Variants in EDEM3 observed in about 807,000 individuals in gnomAD.
The protein encoded by EDEM3 is ER degradation-enhancing alpha-mannosidase-like protein 3.
A neutral mutation model predicts 110.2 loss-of-function variants in EDEM3; 60 were observed. That is an observed-to-expected ratio of 0.54 (90% CI 0.44 to 0.67). The LOEUF is 0.67. EDEM3 is among the 30% of genes least tolerant of loss of function. The pLI is 0.00. For synonymous variants in EDEM3, 352 were observed against 382.9 expected, an observed-to-expected ratio of 0.92 and a Z score of 0.94; for missense variants, 996 against 1,121.0, an observed-to-expected ratio of 0.89 and a Z score of 1.59.
At chr1:184,740,007 A>C (rs1652048734) in intron 2 of EDEM3, among the ~76,000 whole-genome samples, 1 of 152,144 alleles carries the variant, frequency 6.6e-6, no homozygotes, top group Non-Finnish European at 1.5e-5. Context: ...TAGGCTCTTT[A>C]AGTTGGGTGG....
chr1:184,733,644 A>G (rs1651655530), intron 5 of EDEM3, among the ~76,000 whole-genome samples: 1 of 152,098 alleles, frequency 6.6e-6, no homozygotes, highest in South Asian at 2.1e-4. Context: ...CCTGGCCAAC[A>G]CGGTGAAACC....
At chr1:184,744,473 C>T (rs1652318438) in intron 2 of EDEM3, among the ~76,000 whole-genome samples, 1 of 151,384 alleles carries the variant, frequency 6.6e-6, no homozygotes, top group Admixed American at 6.6e-5. Flanking sequence ...GTGGGAAATG[C>T]AAAATATTAT....
rs1649087223 is a variant in EDEM3 at position 184,692,084 on chromosome 1, T to C, written c.*1979A>G. On this transcript the variant is annotated 3_prime_UTR_variant, in exon 20 of 20. Coordinates refer to ENST00000318130, the MANE Select transcript of EDEM3 (RefSeq NM_025191.4). ...ACAAATACAAAATCAAATCCATGTATATAAGGCTTCTGTAATCGATGTCTT... is the reference window on the plus strand; with the variant it reads ...ACAAATACAAAATCAAATCCATGTACATAAGGCTTCTGTAATCGATGTCTT... The C allele has an allele frequency of 6.6e-6, 1 of 152,146 alleles. No individual in the cohort carries two copies. The highest frequency in any genetic ancestry group is 1.5e-5 in the Non-Finnish European group (1 of 67,984). 9.4% of individuals were successfully genotyped at this position (152,146 alleles called of 1,614,324 possible). A position where few individuals can be genotyped will look rare whatever the true frequency, so the allele number is the denominator to read the frequency against.
chr1:184,737,521 C>A, intron 3 of EDEM3, 90 bp downstream of exon 3: 2 of 1,204,408 alleles, frequency 1.7e-6, no homozygotes, highest in South Asian at 1.4e-5. Flanking sequence ...TTAGCCAATC[C>A]CTAGAAATAT....
intron 10 of EDEM3, 95 bp downstream of exon 10, chr1:184,719,348 C>A: frequency 6.5e-7 from 1 of 1,535,060 alleles, no homozygotes; most frequent in Non-Finnish European, 8.8e-7. Flanking sequence ...TTCTGAACTG[C>A]AACTATGTTT....
chr1:184,703,450 G>A (rs980624444), intron 18 of EDEM3, among the ~76,000 whole-genome samples: 1 of 152,128 alleles, frequency 6.6e-6, no homozygotes, highest in Non-Finnish European at 1.5e-5. Context: ...CTACTGGCAT[G>A]ATTACATTGT....
chr1:184,720,026 C>T (rs1227869452), intron 9 of EDEM3, among the ~76,000 whole-genome samples: 1 of 152,230 alleles, frequency 6.6e-6, no homozygotes, highest in Non-Finnish European at 1.5e-5. Flanking sequence ...CAGCTAATCA[C>T]TGCTGCCACT....
At chr1:184,739,485 A>G (rs1652016614) in intron 2 of EDEM3, among the ~76,000 whole-genome samples, 1 of 151,606 alleles carries the variant, frequency 6.6e-6, no homozygotes, top group African/African-American at 2.4e-5. Context: ...ATTTTACTGA[A>G]ATTTTAATTG....
intron 6 of EDEM3, among the ~76,000 whole-genome samples, chr1:184,730,186 T>C (rs1651429154): frequency 6.6e-6 from 1 of 152,238 alleles, no homozygotes; most frequent in Non-Finnish European, 1.5e-5. Context: ...AACAAGTACC[T>C]GATATCTTAA....
intron 13 of EDEM3, among the ~76,000 whole-genome samples, chr1:184,713,737 G>C (rs1264056834): frequency 6.6e-6 from 1 of 152,210 alleles, no homozygotes; most frequent in African/African-American, 2.4e-5. Context: ...TTTGGAAATA[G>C]AAAGATCTTC....
At chr1:184,717,088 TATTGAG>T (rs1230197321) in intron 12 of EDEM3, 76 bp from the exon 13 acceptor site, 5 of 1,244,292 alleles carry the variant, frequency 4.0e-6, no homozygotes, top group Non-Finnish European at 5.6e-6. Context: ...ACCAAATATT[TATTGAG>T]TACCTACTAG....
intron 19 of EDEM3, among the ~76,000 whole-genome samples, chr1:184,701,842 C>G (rs1032927810): frequency 6.6e-6 from 1 of 151,848 alleles, no homozygotes; most frequent in Non-Finnish European, 1.5e-5. Context: ...AAGAATAAAG[C>G]AATACAAGAA....
chr1:184,703,824 G>A (rs1649763004), intron 18 of EDEM3, among the ~76,000 whole-genome samples: 1 of 152,182 alleles, frequency 6.6e-6, no homozygotes, highest in African/African-American at 2.4e-5. Context: ...CCTGGAACTG[G>A]CACACAGAAA....
intron 19 of EDEM3, among the ~76,000 whole-genome samples, chr1:184,699,630 A>T (rs941516963): frequency 2.6e-5 from 4 of 151,936 alleles, no homozygotes; most frequent in African/African-American, 7.2e-5. Flanking sequence ...ATTCACACCA[A>T]TCAAATTCAG....
At chr1:184,722,161 G>T (rs1425749781) in intron 8 of EDEM3, among the ~76,000 whole-genome samples, 1 of 151,830 alleles carries the variant, frequency 6.6e-6, no homozygotes, top group African/African-American at 2.4e-5. Context: ...GAAAATAATA[G>T]TTCTCATCTC....
Position 184,690,915 on chromosome 1 carries a change from A to C in EDEM3, c.*3148T>G, listed in dbSNP as rs1041869635. 6.6e-6 allele frequency: 1 copy of C among 152,368 alleles called. No individual in the cohort carries two copies. The highest frequency in any genetic ancestry group is 2.4e-5 in the African/African-American group (1 of 41,428). 9.4% of individuals were successfully genotyped at this position (152,368 alleles called of 1,614,324 possible). A position where few individuals can be genotyped will look rare whatever the true frequency, so the allele number is the denominator to read the frequency against. On this transcript the variant is annotated 3_prime_UTR_variant, in exon 20 of 20. Transcript: ENST00000318130. Reference sequence around the variant, plus strand: ...AGCAGTATTTGAATTACTTATGCTGAGCTTTCTTCATGATGAATTTGGCAT... The same window carrying C: ...AGCAGTATTTGAATTACTTATGCTGCGCTTTCTTCATGATGAATTTGGCAT...
At chr1:184,750,671 C>A (rs1418112576) in intron 1 of EDEM3, among the ~76,000 whole-genome samples, 1 of 151,996 alleles carries the variant, frequency 6.6e-6, no homozygotes, top group Non-Finnish European at 1.5e-5. Context: ...TGCCACCATG[C>A]CTGGCTAATT....
chr1:184,734,678 C>A (rs1387169539), intron 4 of EDEM3, 35 bp from the exon 5 acceptor site: 1 of 852,346 alleles, frequency 1.2e-6, no homozygotes, highest in Non-Finnish European at 1.7e-6. Flanking sequence ...AAGTTCTTTT[C>A]TACCAAGACA....
In EDEM3 at chr1:184,735,123, TATACAATGTTGTGGTC is replaced by T. The variant is rs1214383830; in HGVS notation, c.346-496_346-481del. On this transcript the variant is annotated intron_variant, in intron 4 of 19. Transcript: ENST00000318130. ...TGGATGCCCTGTTCACTAAGGAGGC[TATACAATGTTGTGGTC>T]ATACAATGTTGTGGTCATGCCCTGA... 7.2e-5 allele frequency among the ~76,000 whole-genome samples: 11 copies of T among 152,354 alleles called. No individual in the cohort carries two copies. The South Asian group carries it at 1.2e-3, about 17-fold the overall frequency.
Sources: allele counts gnomAD v4.1 joint callset (sites outside exome capture counted in the v4.1 genomes callset), GRCh38; gene constraint gnomAD v4.1.1; transcripts MANE v1.5; gene names NCBI Gene and HGNC (gene_info 2026-07-23, HGNC 2026-07-21).